Variants in EP400 observed in about 807,000 individuals in gnomAD.
EP400 encodes the protein E1A binding protein p400.
EP400 carries 105 observed loss-of-function variants against 354.1 expected under a neutral mutation model. The ratio of observed to expected loss-of-function variants is 0.30; its 90% CI spans 0.25 to 0.35. The LOEUF (loss-of-function observed/expected upper bound fraction) is 0.35, where lower values mean the gene tolerates loss of function less well. Ranked by LOEUF, EP400 falls within the 10% of genes least tolerant of loss-of-function variation. EP400 has a pLI of 1.00. For missense variants in EP400, 3,280 were observed against 4,121.0 expected, an observed-to-expected ratio of 0.80 and a Z score of 5.59; for synonymous variants, 1,646 against 1,716.9, an observed-to-expected ratio of 0.96 and a Z score of 1.02.
chr12:132,065,851 C>T (rs1461514733), intron 48 of EP400: 3 of 152,226 alleles, frequency 2.0e-5, no homozygotes, highest in African/African-American at 7.2e-5. Flanking sequence ...GTACCGGGTT[C>T]TTGTTGGACA....
At position 131,990,797 on chromosome 12, in the gene EP400, T is replaced by C. The variant is rs1893008268; in HGVS notation, c.2629+83T>C. The C allele has an allele frequency of 1.0e-6, 1 of 1,003,526 alleles. No homozygotes were observed. The highest frequency in any genetic ancestry group is 1.5e-6 in the Non-Finnish European group (1 of 655,354). 62.2% of individuals were successfully genotyped at this position (1,003,526 alleles called of 1,614,324 possible). ...TTCTCAGCAGGCAGTCTCCTGGCGCTGTGGCTTCCCACAGAGGACATCTGC... is the reference window on the plus strand; with the variant it reads ...TTCTCAGCAGGCAGTCTCCTGGCGCCGTGGCTTCCCACAGAGGACATCTGC... On this transcript the variant is annotated intron_variant, in intron 9 of 52. Coordinates refer to ENST00000389561, the MANE Select transcript of EP400 (RefSeq NM_015409.5). This position sits in a 1 kb window ranked among gnomAD's most constrained non-coding sequence, Gnocchi z 4.2.
Position 132,062,164 on chromosome 12 carries a change from G to A in EP400, c.7939G>A (p.Ala2647Thr). Residue 2647 changes from alanine (A) to threonine (T), a missense_variant, in exon 46 of 53, where the codon GCA becomes ACA. Around this residue, in one of 20 missense-constraint regions of EP400, gnomAD observed 255 missense variants for 295.9 expected, o/e 0.86. Transcript: ENST00000389561. ...QVVHTQPPPR[A>T]VGSPATATPD... ...GGTGCACACCCAGCCCCCGCCACGGGCAGTCGGCTCCCCAGCCACGGCGAC... is the reference window on the plus strand; with the variant it reads ...GGTGCACACCCAGCCCCCGCCACGGACAGTCGGCTCCCCAGCCACGGCGAC... The A allele has an allele frequency of 6.8e-6, 11 of 1,613,986 alleles. No individual in the cohort carries two copies. Among genetic ancestry groups the A allele is most frequent in the Non-Finnish European group, 9.3e-6 (11 of 1,179,950 alleles).
At chr12:131,995,938 A>G (rs375701086) in intron 12 of EP400, among the ~76,000 whole-genome samples, 8 of 152,118 alleles carry the variant, frequency 5.3e-5, no homozygotes, top group East Asian at 3.9e-4. Flanking sequence ...ATACGAACGA[A>G]TCCCACCACA....
At chr12:131,963,490 A>G in intron 2 of EP400, 1 of 1,478,238 alleles carries the variant, frequency 6.8e-7, no homozygotes, top group Admixed American at 1.7e-5. Flanking sequence ...GAGCAGTTGT[A>G]AAAATTATGT....
At chr12:132,059,750 CA>C (rs1222944121) in intron 45 of EP400, among the ~76,000 whole-genome samples, 1 of 152,070 alleles carries the variant, frequency 6.6e-6, no homozygotes, top group Non-Finnish European at 1.5e-5. Flanking sequence ...CGTGGTGTCT[CA>C]ACGCCTGTAA....
Position 132,013,809 on chromosome 12 carries a change from G to A in EP400, c.3819G>A (p.Lys1273=), listed in dbSNP as rs1465034017. The A allele has an allele frequency of 6.2e-7, 1 of 1,614,240 alleles. No individual in the cohort carries two copies. The highest frequency in any genetic ancestry group is 1.7e-5 in the Admixed American group (1 of 60,026). Residue 1273 remains lysine (K), a synonymous_variant, in exon 19 of 53, where the codon AAG becomes AAA. Transcript: ENST00000389561. This position sits in a 1 kb window ranked among gnomAD's most constrained non-coding sequence, Gnocchi z 4.5. ...AGCCATTTATTTTGAGGAGAACTAA[G>A]AGAGATGTGGAAAAGCAACTAACAA... The part of the protein sequence containing the change: ...VTQPFILRRT[K]RDVEKQLTKK...
chr12:132,051,036 C>G, intron 41 of EP400: 1 of 319,994 alleles, frequency 3.1e-6, no homozygotes, highest in Admixed American at 4.7e-5. Context: ...GTGTGTGTAC[C>G]TGCCCTGAAG....
intron 2 of EP400, among the ~76,000 whole-genome samples, chr12:131,978,205 G>T (rs540886946): frequency 1.0e-3 from 152 of 152,248 alleles, no homozygotes; most frequent in Non-Finnish European, 1.9e-3. Context: ...CAGCAGAATT[G>T]AGAGGAAGGA....
chr12:131,978,515 A>T (rs1892559468), intron 2 of EP400, among the ~76,000 whole-genome samples: 2 of 151,324 alleles, frequency 1.3e-5, no homozygotes, highest in African/African-American at 4.9e-5. Context: ...GGCTTCTTTC[A>T]TTTTTTGTTT....
chr12:132,067,380 A>G lies in EP400; in HGVS notation c.8768A>G (p.Gln2923Arg). The change falls in exon 50 of 53, where the codon CAG becomes CGG. Residue 2923 changes from glutamine to arginine, a missense_variant. Physicochemically the swap from Gln to Arg is conservative, Grantham distance 43. Around this residue, in one of 20 missense-constraint regions of EP400, gnomAD observed 279 missense variants for 386.7 expected, o/e 0.72. Coordinates refer to ENST00000389561, the MANE Select transcript of EP400 (RefSeq NM_015409.5). This position sits in a 1 kb window ranked among gnomAD's most constrained non-coding sequence, Gnocchi z 5.3. ...QKAAGQTVVA[Q>R]PVHMQQLLKL... ...CCTGCAGGACAGACCGTGGTGGCCC[A>G]GCCCGTGCACATGCAGCAGCTGCTG... 1.9e-6 allele frequency: 3 copies of G among 1,613,486 alleles called. No individual in the cohort carries two copies. Among genetic ancestry groups the G allele is most frequent in the Non-Finnish European group, 2.5e-6 (3 of 1,180,028 alleles).
At position 131,982,100 on chromosome 12, in the gene EP400, G is replaced by GC; in HGVS notation, c.1557dup (p.Thr520HisfsTer18). ...ACTTTTCTTATTTTGCAGGAGGAAT[G>GC]CCCCCCACGCCGCAGGCCGCGCAGC... On this transcript the variant is annotated frameshift_variant, in exon 5 of 53. Transcript: ENST00000389561. LOFTEE classifies it high-confidence loss of function. The GC allele has an allele frequency of 1.3e-6, 2 of 1,508,866 alleles. No homozygotes were observed. The highest frequency in any genetic ancestry group is 2.3e-5 in the East Asian group (1 of 43,914). 93.5% of individuals were successfully genotyped at this position (1,508,866 alleles called of 1,614,324 possible). A position where few individuals can be genotyped will look rare whatever the true frequency, so the allele number is the denominator to read the frequency against.
Position 132,013,909 on chromosome 12 carries a change from C to T in EP400, c.3919C>T (p.Pro1307Ser), listed in dbSNP as rs1396321528. The change falls in exon 19 of 53, where the codon CCT (proline) becomes TCT (serine). Residue 1307 changes from proline to serine, a missense_variant. By Grantham distance (74) the Pro-to-Ser change is moderately conservative. Coordinates refer to ENST00000389561, the MANE Select transcript of EP400 (RefSeq NM_015409.5). This position sits in a 1 kb window ranked among gnomAD's most constrained non-coding sequence, Gnocchi z 4.5. Reference protein sequence around the residue: ...KALYEDVILQPGTQEALKSGH... With the variant: ...KALYEDVILQSGTQEALKSGH... The stretch of plus-strand genomic sequence containing the variant: ...CTTATACGAGGACGTTATCCTGCAA[C>T]CTGGGTGAGTGTGGGCTCTGGGCAT... 3 of 1,614,052 alleles carry T rather than the reference C, an allele frequency of 1.9e-6. No individual in the cohort carries two copies. In the African/African-American group the frequency reaches 4.0e-5, roughly 22 times the overall value.
At chr12:132,008,720 C>T (rs866285095) in intron 15 of EP400, among the ~76,000 whole-genome samples, 22 of 150,374 alleles carry the variant, frequency 1.5e-4, no homozygotes, top group African/African-American at 4.9e-4. Flanking sequence ...AGGATCAAGG[C>T]GATCCTCCTG....
Position 131,961,766 on chromosome 12 carries a change from T to A in EP400, c.1147T>A (p.Phe383Ile), listed in dbSNP as rs779952081. Residue 383 changes from phenylalanine to isoleucine, a missense_variant, in exon 2 of 53, where the codon TTC becomes ATC. Phe to Ile is a conservative substitution (Grantham distance 21). Coordinates refer to ENST00000389561, the MANE Select transcript of EP400 (RefSeq NM_015409.5). ...YQEMQALKEV[F>I]KEYLIELFFL... The stretch of plus-strand genomic sequence containing the variant: ...GGAGATGCAGGCTCTGAAGGAGGTC[T>A]TCAAGGAGTATTTGATTGAACTGTT... 2 of 1,614,262 alleles carry A rather than the reference T, an allele frequency of 1.2e-6. No homozygotes were observed. The highest frequency in any genetic ancestry group is 4.5e-5 in the East Asian group (2 of 44,884).
chr12:131,962,082 G>C (rs938675886), intron 2 of EP400, 128 bp downstream of exon 2: 1 of 1,238,056 alleles, frequency 8.1e-7, no homozygotes, highest in African/African-American at 1.5e-5. Context: ...GTTGGGGCAA[G>C]GATTTGACCC....
At chr12:132,007,584 G>T (rs183534955) in intron 15 of EP400, among the ~76,000 whole-genome samples, 6 of 152,248 alleles carry the variant, frequency 3.9e-5, no homozygotes. Flanking sequence ...GTGCCTAGCT[G>T]CAGAGGAAGG....
intron 45 of EP400, among the ~76,000 whole-genome samples, chr12:132,055,686 CGTGTGTGAAGTGTAGGGGTGTGTGT>C (rs1324655817): frequency 5.0e-4 from 11 of 21,790 alleles, no homozygotes; most frequent in Admixed American, 2.4e-3. Flanking sequence ...TGTAGGGGGG[CGTGTGTGAAGTGTAGGGGTGTGTGT>C]GTGTGTGAAG....
At position 131,981,490 on chromosome 12, in the gene EP400, G is replaced by A. The variant is rs768221442; in HGVS notation, c.1437G>A (p.Glu479=). The change falls in exon 4 of 53, where the codon GAG becomes GAA. Residue 479 remains glutamate, a splice_region_variant and synonymous_variant. Coordinates refer to ENST00000389561, the MANE Select transcript of EP400 (RefSeq NM_015409.5). ...QQAMPSTGMA[E]QSKRPRLEVG... is the part of the protein sequence containing the mutation. ...CACCTTTTTTGAAAATTATTCTAGA[G>A]CAGTCTAAGAGGCCTCGCCTTGAAG... 9 of 1,565,480 alleles carry A rather than the reference G, an allele frequency of 5.7e-6. No homozygotes were observed. The African/African-American group carries it at 9.5e-5, about 16-fold the overall frequency.
Position 131,992,203 on chromosome 12 carries a change from G to A in EP400, c.2710G>A (p.Ala904Thr). ...AGGAATGTCTGGAAGAAAAAGAAAA[G>A]CTAGCATATCTTTGACTGATGACGA... ...DSGMSGRKRK[A>T]SISLTDDEVD... The change falls in exon 11 of 53, where the codon GCT (alanine) becomes ACT (threonine). Residue 904 changes from alanine (A) to threonine (T), a missense_variant. Ala to Thr is a moderately conservative substitution (Grantham distance 58, BLOSUM62 0). Around this residue, in one of 20 missense-constraint regions of EP400, gnomAD observed 800 missense variants for 840.0 expected, o/e 0.95. Coordinates refer to ENST00000389561, the MANE Select transcript of EP400 (RefSeq NM_015409.5). 6.2e-7 allele frequency: 1 copy of A among 1,610,226 alleles called. No homozygotes were observed. Among genetic ancestry groups the A allele is most frequent in the South Asian group, 1.1e-5 (1 of 91,082 alleles).
Sources: allele counts gnomAD v4.1 joint callset (sites outside exome capture counted in the v4.1 genomes callset), GRCh38; gene constraint gnomAD v4.1.1; regional missense constraint gnomAD v4.1.1; non-coding constraint Gnocchi (gnomAD v3.1); transcripts MANE v1.5; gene names NCBI Gene and HGNC (gene_info 2026-07-23, HGNC 2026-07-21).